C12orf42: variants seen among roughly 807,000 people sequenced by gnomAD.
C12orf42 encodes chromosome 12 open reading frame 42, also known as uncharacterized protein C12orf42.
In C12orf42, 25 loss-of-function variants were observed where a neutral mutation model predicts 21.6. The ratio of observed to expected loss-of-function variants is 1.16; its 90% CI spans 0.84 to 1.62. C12orf42 has a LOEUF of 1.62. Among genes scored for constraint, C12orf42 ranks in the 40% most tolerant of loss-of-function variants. C12orf42 has a pLI of 0.00. For missense variants in C12orf42, 483 were observed against 459.3 expected (o/e 1.05, Z -0.47); for synonymous variants, 174 against 175.0 (o/e 0.99, Z 0.05).
the C12orf42 span, among the ~76,000 whole-genome samples, chr12:103,092,071 T>C: frequency 1.3e-5 from 2 of 152,338 alleles, no homozygotes; most frequent in South Asian, 2.1e-4. Context: ...TGGTTTGCTA[T>C]GTTCTTGTTT....
intron 10 of C12orf42, among the ~76,000 whole-genome samples, chr12:103,242,694 A>G (rs994519139): frequency 1.4e-4 from 22 of 152,312 alleles, no homozygotes; most frequent in African/African-American, 4.8e-4. Context: ...ATAAATGGCA[A>G]TCAAGTTGGA....
intron 2 of C12orf42, among the ~76,000 whole-genome samples, chr12:103,458,392 G>A (rs981675071): frequency 5.9e-5 from 9 of 152,084 alleles, no homozygotes; most frequent in Admixed American, 2.6e-4. Context: ...GGCATGTGGT[G>A]AAACAGAACA....
chr12:103,107,017 G>C, the C12orf42 span, among the ~76,000 whole-genome samples: 1 of 151,848 alleles, frequency 6.6e-6, no homozygotes, highest in African/African-American at 2.4e-5. Context: ...AAGCCTTTAA[G>C]AGACAAAGAA....
chr12:103,295,855 A>AT (rs974191482), intron 4 of C12orf42, among the ~76,000 whole-genome samples: 1 of 151,736 alleles, frequency 6.6e-6, no homozygotes, highest in Non-Finnish European at 1.5e-5. Flanking sequence ...TGTAATCCCA[A>AT]TTTTTTTAAA....
the C12orf42 span, among the ~76,000 whole-genome samples, chr12:103,545,879 CT>C: frequency 2.0e-5 from 3 of 152,224 alleles, no homozygotes; most frequent in African/African-American, 7.2e-5. Context: ...ATGACTTGGC[CT>C]TCAGTCTTAA....
rs1952764307 is a variant in C12orf42, at chr12:103,462,103, T to TTTTTTTTTTTTTTG, written c.78+16245_78+16246insCAAAAAAAAAAAAA. 3.9e-5 allele frequency among the ~76,000 whole-genome samples: 3 copies of TTTTTTTTTTTTTTG among 77,672 alleles called. 1 individual carries two copies. Among genetic ancestry groups the TTTTTTTTTTTTTTG allele is most frequent in the Non-Finnish European group, 7.8e-5 (3 of 38,422 alleles). 51.0% of individuals were successfully genotyped at this position (77,672 alleles called of 152,430 possible). A position where few individuals can be genotyped will look rare whatever the true frequency, so the allele number is the denominator to read the frequency against. Reference sequence around the variant, plus strand: ...TGTTTTGTTTTTTGCTTGGTTTTTTTTTTTTTTTTTTTTTTTTTTTTGAGA... The same window carrying TTTTTTTTTTTTTTG: ...TGTTTTGTTTTTTGCTTGGTTTTTTTTTTTTTTTTTTTTGTTTTTTTTTTTTTTTTTTTTTGAGA... On this transcript the variant is annotated intron_variant, in intron 2 of 5. Coordinates refer to ENST00000548883, the MANE Select transcript of C12orf42 (RefSeq NM_198521.5).
the C12orf42 span, among the ~76,000 whole-genome samples, chr12:103,154,815 T>C: frequency 6.6e-6 from 1 of 152,208 alleles, no homozygotes; most frequent in African/African-American, 2.4e-5. Context: ...TTTGACGTAA[T>C]CTTTGCTGGC....
At chr12:103,254,160 G>T (rs184479642) in intron 10 of C12orf42, among the ~76,000 whole-genome samples, 1 of 152,204 alleles carries the variant, frequency 6.6e-6, no homozygotes, top group South Asian at 2.1e-4. Flanking sequence ...TGTATAAGGT[G>T]TAAGAAATGA....
At chr12:103,337,569 G>T (rs1386851339) in intron 4 of C12orf42, among the ~76,000 whole-genome samples, 1 of 152,150 alleles carries the variant, frequency 6.6e-6, no homozygotes, top group Non-Finnish European at 1.5e-5. Context: ...GGCCAGGATG[G>T]TCTCAATCTC....
At chr12:103,224,409 G>A in the C12orf42 span, among the ~76,000 whole-genome samples, 2 of 152,164 alleles carry the variant, frequency 1.3e-5, no homozygotes, top group African/African-American at 4.8e-5. Context: ...GGTGTGTGGC[G>A]ATTAGGCCTG....
At chr12:103,382,010 T>C (rs1439926890) in intron 3 of C12orf42, among the ~76,000 whole-genome samples, 1 of 152,186 alleles carries the variant, frequency 6.6e-6, no homozygotes. Flanking sequence ...TGGATAGTTA[T>C]GACAATTAAA....
intron 2 of C12orf42, among the ~76,000 whole-genome samples, chr12:103,474,661 C>T (rs1006748409): frequency 6.6e-6 from 1 of 152,082 alleles, no homozygotes; most frequent in Admixed American, 6.5e-5. Context: ...TAAATCAAGC[C>T]ACCACTTTTG....
the C12orf42 span, among the ~76,000 whole-genome samples, chr12:103,162,160 G>A: frequency 2.0e-5 from 3 of 152,144 alleles, no homozygotes; most frequent in Admixed American, 6.6e-5. Flanking sequence ...TCCAGCATGC[G>A]CCTTTGTCCT....
chr12:103,480,645 C>T (rs1456486679), intron 1 of C12orf42, among the ~76,000 whole-genome samples: 3 of 151,488 alleles, frequency 2.0e-5, no homozygotes, highest in Non-Finnish European at 4.4e-5. Flanking sequence ...ATTTCTAATG[C>T]TTTTGAATTT....
At chr12:103,199,887 G>A in the C12orf42 span, among the ~76,000 whole-genome samples, 1 of 152,162 alleles carries the variant, frequency 6.6e-6, no homozygotes. Flanking sequence ...TAATGGGTAT[G>A]TGAATTGGTA....
chr12:103,549,072 T>C, the C12orf42 span: 1 of 152,204 alleles, frequency 6.6e-6, no homozygotes, highest in Non-Finnish European at 1.5e-5. Flanking sequence ...TTCTAAAATA[T>C]CTATGTTACT....
chr12:103,434,095 G>T (rs1950471733), intron 2 of C12orf42, among the ~76,000 whole-genome samples: 2 of 152,170 alleles, frequency 1.3e-5, no homozygotes, highest in African/African-American at 4.8e-5. Flanking sequence ...TAAGAGGCTT[G>T]CCAAGGTCAT....
the C12orf42 span, chr12:103,503,954 C>A: frequency 1.3e-5 from 2 of 154,802 alleles, no homozygotes; most frequent in South Asian, 3.6e-4. Flanking sequence ...CTCCTCTAGT[C>A]ATGCGCCCTA....
the C12orf42 span, among the ~76,000 whole-genome samples, chr12:103,063,267 A>G: frequency 1.3e-5 from 2 of 152,310 alleles, no homozygotes; most frequent in East Asian, 3.9e-4. Flanking sequence ...TAAGAACCTT[A>G]TCCCCTGTAG....
Sources: allele counts gnomAD v4.1 joint callset (sites outside exome capture counted in the v4.1 genomes callset), GRCh38; gene constraint gnomAD v4.1.1; transcripts MANE v1.5; gene names NCBI Gene and HGNC (gene_info 2026-07-23, HGNC 2026-07-21).